ANO1: variants seen among roughly 807,000 people sequenced by gnomAD.
The protein encoded by ANO1 is anoctamin 1, also known as anoctamin-1.
Under a neutral mutation model 124.0 loss-of-function variants are expected in ANO1, and 59 were observed. The ratio of observed to expected loss-of-function variants is 0.48; its 90% CI spans 0.39 to 0.59. The LOEUF (loss-of-function observed/expected upper bound fraction) is 0.59. ANO1 is among the 20% of genes least tolerant of loss of function. The pLI is 0.00. For missense variants in ANO1, 1,059 were observed against 1,328.0 expected (o/e 0.80, Z 3.15); for synonymous variants, 529 against 532.0 (o/e 0.99, Z 0.08).
chr11:70,083,221 G>A (rs2044254368), intron 1 of ANO1, among the ~76,000 whole-genome samples: 1 of 152,184 alleles, frequency 6.6e-6, no homozygotes, highest in Admixed American at 6.5e-5. Flanking sequence ...TTCACTCTAT[G>A]CTAGGCCCTG....
intron 1 of ANO1, among the ~76,000 whole-genome samples, chr11:70,035,916 A>G (rs544941688): frequency 8.0e-4 from 122 of 152,132 alleles, no homozygotes; most frequent in Non-Finnish European, 1.6e-3. Context: ...TCTTTATCCA[A>G]TCTATCATTG....
intron 1 of ANO1, among the ~76,000 whole-genome samples, chr11:70,055,345 G>A (rs1333732180): frequency 6.6e-6 from 1 of 151,810 alleles, no homozygotes; most frequent in Non-Finnish European, 1.5e-5. Context: ...TGTCAGTTTT[G>A]GGTTTATGTA....
intron 25 of ANO1, among the ~76,000 whole-genome samples, chr11:70,187,184 C>T (rs1438969737): frequency 1.3e-5 from 2 of 152,266 alleles, no homozygotes; most frequent in African/African-American, 4.8e-5. Context: ...GGCACCAGCA[C>T]CGCCCGTGGC....
Position 70,154,609 on chromosome 11 carries a change from G to A in ANO1, c.1426-1302G>A, listed in dbSNP as rs548943757. ...AGCCTTCCGAGTAGCTGGGACTACAGGTGCCCACCACCACACCCAGCTAAT... is the reference window on the plus strand; with the variant it reads ...AGCCTTCCGAGTAGCTGGGACTACAAGTGCCCACCACCACACCCAGCTAAT... On this transcript the variant is annotated intron_variant, in intron 14 of 25. Coordinates refer to ENST00000355303, the MANE Select transcript of ANO1 (RefSeq NM_018043.7). 4.5e-3 allele frequency among the ~76,000 whole-genome samples: 680 copies of A among 151,750 alleles called. 1 individual carries two copies. The highest frequency in any genetic ancestry group is 6.9e-3 in the South Asian group (33 of 4,796).
chr11:70,096,836 G>A (rs941247033), intron 2 of ANO1, among the ~76,000 whole-genome samples: 1 of 152,022 alleles, frequency 6.6e-6, no homozygotes, highest in African/African-American at 2.4e-5. Context: ...ACTCCAGCCT[G>A]GGTGACAGAG....
the ANO1 span, among the ~76,000 whole-genome samples, chr11:69,980,599 T>C: frequency 6.7e-5 from 10 of 149,958 alleles, no homozygotes; most frequent in East Asian, 8.0e-4. Flanking sequence ...CCAGCCTGGG[T>C]GACAGAGTAA....
intron 2 of ANO1, among the ~76,000 whole-genome samples, chr11:70,089,029 C>T (rs2044513933): frequency 6.6e-6 from 1 of 152,174 alleles, no homozygotes; most frequent in African/African-American, 2.4e-5. Flanking sequence ...ACTTTAGCAG[C>T]CCTAGCACAG....
At chr11:69,989,251 C>T (rs1298225476) in intron 1 of ANO1, among the ~76,000 whole-genome samples, 1 of 152,168 alleles carries the variant, frequency 6.6e-6, no homozygotes, top group African/African-American at 2.4e-5. Context: ...GCAAGCTGTT[C>T]ATTTAATCAT....
intron 1 of ANO1, among the ~76,000 whole-genome samples, chr11:70,006,557 TCTTTCTTTTCTTTCTTTCTTTCTTA>T (rs1555000066): frequency 8.5e-6 from 1 of 117,656 alleles, no homozygotes; most frequent in East Asian, 5.7e-4. Flanking sequence ...TTCCTTTCTT[TCTTTCTTTTCTTTCTTTCTTTCTTA>T]CTTACTTTCT....
chr11:70,024,416 C>G (rs1166294988), intron 1 of ANO1, among the ~76,000 whole-genome samples: 1 of 152,106 alleles, frequency 6.6e-6, no homozygotes, highest in African/African-American at 2.4e-5. Context: ...GAGTGAGTGC[C>G]GGGCAGAAGA....
the ANO1 span, among the ~76,000 whole-genome samples, chr11:69,975,974 C>T: frequency 6.6e-6 from 1 of 152,208 alleles, no homozygotes; most frequent in Non-Finnish European, 1.5e-5. Flanking sequence ...GTCCTCTGCG[C>T]CCTGGGGTGC....
intron 23 of ANO1, among the ~76,000 whole-genome samples, chr11:70,181,234 G>C (rs990468398): frequency 6.6e-6 from 1 of 152,220 alleles, no homozygotes; most frequent in South Asian, 2.1e-4. Context: ...GGGACACGGG[G>C]TGGCTCCCCA....
chr11:70,132,204 AG>A, intron 11 of ANO1, 125 bp downstream of exon 11: 1 of 1,292,486 alleles, frequency 7.7e-7, no homozygotes, highest in Non-Finnish European at 1.0e-6. Flanking sequence ...ACATAGGGGA[AG>A]GGGGCTGGTG....
chr11:70,181,015 G>T (rs1204143963), intron 23 of ANO1, among the ~76,000 whole-genome samples: 1 of 152,122 alleles, frequency 6.6e-6, no homozygotes, highest in Admixed American at 6.5e-5. Flanking sequence ...ATCGGGGTCT[G>T]TCTGACTCTG....
intron 1 of ANO1, among the ~76,000 whole-genome samples, chr11:70,003,587 A>C (rs1856424865): frequency 8.2e-6 from 1 of 122,100 alleles, no homozygotes. Context: ...TTGTTGGTGG[A>C]TGGATGGGTG....
At chr11:70,140,773 C>G (rs1027944642) in intron 11 of ANO1, among the ~76,000 whole-genome samples, 1 of 152,078 alleles carries the variant, frequency 6.6e-6, no homozygotes, top group African/African-American at 2.4e-5. Flanking sequence ...ATCTCTAAAG[C>G]GAAATTAGGA....
chr11:70,109,072 T>C (rs550072697), intron 6 of ANO1, among the ~76,000 whole-genome samples: 1 of 152,338 alleles, frequency 6.6e-6, no homozygotes, highest in Admixed American at 6.5e-5. Context: ...ATTTCCAGCC[T>C]TTCCTCCCCT....
chr11:70,066,342 G>C (rs187765344), intron 1 of ANO1, among the ~76,000 whole-genome samples: 1 of 152,054 alleles, frequency 6.6e-6, no homozygotes, highest in Non-Finnish European at 1.5e-5. Context: ...GGTGTTTGGG[G>C]CCCACTCTTA....
At chr11:70,082,808 C>T (rs12801623) in intron 1 of ANO1, among the ~76,000 whole-genome samples, 11,397 of 152,270 alleles carry the variant, frequency 0.075, 503 homozygotes, top group East Asian at 0.22. Context: ...AAGTCACACG[C>T]ACTGGTCCTT....
Sources: gnomAD v4.1 joint callset for allele counts (sites outside exome capture counted in the v4.1 genomes callset) on GRCh38, gnomAD v4.1.1 for gene constraint, MANE v1.5 for transcripts, NCBI Gene and HGNC (gene_info 2026-07-23, HGNC 2026-07-21) for gene names.